Variants in KCNK2 observed in about 807,000 individuals in gnomAD.
The protein encoded by KCNK2 is potassium two pore domain channel subfamily K member 2, also known as potassium channel subfamily K member 2.
KCNK2 carries 21 observed loss-of-function variants against 40.5 expected under a neutral mutation model. The ratio of observed to expected loss-of-function variants is 0.52; its 90% CI spans 0.37 to 0.75. The LOEUF is 0.75. KCNK2 is among the 30% of genes least tolerant of loss of function. The probability of loss-of-function intolerance (pLI) is 0.00; values close to 1 mark genes in which losing one functional copy is unlikely to be tolerated. For missense variants in KCNK2, 399 were observed against 531.6 expected, an observed-to-expected ratio of 0.75 and a Z score of 2.45; for synonymous variants, 191 against 202.2, an observed-to-expected ratio of 0.94 and a Z score of 0.47.
rs548262217 is a variant in KCNK2, at chr1:215,083,199, C to G, written c.-187C>G. ...GATTTCGTTTCTTCTCACGCTCCCC[C>G]CCCCGCCCCCTCCCGCGTCCAGCCC... On this transcript the variant is annotated 5_prime_UTR_variant, in exon 1 of 7. Coordinates refer to ENST00000444842, the MANE Select transcript of KCNK2 (RefSeq NM_001017425.3). The G allele has an allele frequency of 1.3e-5, 9 of 685,072 alleles. 1 individual carries two copies. Among genetic ancestry groups the G allele is most frequent in the East Asian group, 8.3e-5 (2 of 24,180 alleles). 42.4% of individuals were successfully genotyped at this position (685,072 alleles called of 1,614,324 possible).
chr1:215,083,203 C>A lies in KCNK2; in HGVS notation c.-183C>A. ...TCGTTTCTTCTCACGCTCCCCCCCC[C>A]GCCCCCTCCCGCGTCCAGCCCCGCT... On this transcript the variant is annotated 5_prime_UTR_variant, in exon 1 of 7. Coordinates refer to ENST00000444842, the MANE Select transcript of KCNK2 (RefSeq NM_001017425.3). 20 of 804,882 alleles carry A rather than the reference C, an allele frequency of 2.5e-5. No homozygotes were observed. The highest frequency in any genetic ancestry group is 3.1e-5 in the Non-Finnish European group (16 of 524,276). 49.9% of individuals were successfully genotyped at this position (804,882 alleles called of 1,614,324 possible).
At chr1:215,057,852 G>C (rs1014859219) in intron 1 of KCNK2, among the ~76,000 whole-genome samples, 20 of 152,148 alleles carry the variant, frequency 1.3e-4, no homozygotes, top group South Asian at 2.1e-4. Context: ...AAGCCCAAAG[G>C]GGGTTAATCA....
chr1:215,136,924 C>T (rs1257880992), intron 3 of KCNK2, among the ~76,000 whole-genome samples: 2 of 152,088 alleles, frequency 1.3e-5, no homozygotes, highest in Non-Finnish European at 2.9e-5. Flanking sequence ...TGATAAAAAA[C>T]TGTATTTTAT....
chr1:215,190,500 G>A (rs1664623154), intron 5 of KCNK2, among the ~76,000 whole-genome samples: 1 of 152,180 alleles, frequency 6.6e-6, no homozygotes, highest in Non-Finnish European at 1.5e-5. Context: ...TCAGACACCT[G>A]TGTTAAACTC....
chr1:215,028,898 T>C (rs1657087587), intron 1 of KCNK2, among the ~76,000 whole-genome samples: 1 of 152,184 alleles, frequency 6.6e-6, no homozygotes, highest in African/African-American at 2.4e-5. Context: ...AATTTAATAA[T>C]TCATTTAAAT....
intron 6 of KCNK2, among the ~76,000 whole-genome samples, chr1:215,222,089 C>T (rs1363236059): frequency 6.6e-6 from 1 of 151,968 alleles, no homozygotes; most frequent in Non-Finnish European, 1.5e-5. Flanking sequence ...GACCAGATCT[C>T]GTAAGAACCC....
chr1:215,192,587 T>G (rs958549665), intron 5 of KCNK2, among the ~76,000 whole-genome samples: 2 of 152,140 alleles, frequency 1.3e-5, no homozygotes, highest in Admixed American at 1.3e-4. Flanking sequence ...GGAAAGTACT[T>G]GGGAAAAAAT....
upstream of KCNK2, chr1:215,082,121 G>C (rs189770116): frequency 5.6e-4 from 85 of 152,408 alleles, no homozygotes; most frequent in African/African-American, 2.0e-3. Flanking sequence ...TGCATCTCTA[G>C]ATGTCTTCGC....
chr1:215,151,467 G>A (rs1180569466), intron 3 of KCNK2, among the ~76,000 whole-genome samples: 1 of 152,046 alleles, frequency 6.6e-6, no homozygotes, highest in African/African-American at 2.4e-5. Context: ...AATTGCTAAT[G>A]TGAATCTTGA....
intron 1 of KCNK2, among the ~76,000 whole-genome samples, chr1:215,007,109 G>A (rs904925900): frequency 3.2e-5 from 4 of 126,960 alleles, no homozygotes; most frequent in East Asian, 4.2e-4. Flanking sequence ...GTATATATAT[G>A]TGTGTATATA....
chr1:215,126,993 T>G (rs1661466798), intron 3 of KCNK2, among the ~76,000 whole-genome samples: 1 of 152,212 alleles, frequency 6.6e-6, no homozygotes, highest in African/African-American at 2.4e-5. Flanking sequence ...CATTTGACAT[T>G]AAAGTCATTA....
intron 3 of KCNK2, among the ~76,000 whole-genome samples, chr1:215,132,101 A>C (rs1661704698): frequency 6.6e-6 from 1 of 152,248 alleles, no homozygotes; most frequent in Non-Finnish European, 1.5e-5. Context: ...ACTTTTGGAA[A>C]TACAGAAAGT....
intron 1 of KCNK2, 105 bp downstream of exon 1, chr1:215,083,536 C>T (rs1326797066): frequency 1.1e-5 from 9 of 849,632 alleles, no homozygotes; most frequent in Non-Finnish European, 1.8e-5. Context: ...GCGGCCGTTT[C>T]CCATCTTCGC....
intron 1 of KCNK2, among the ~76,000 whole-genome samples, chr1:215,040,142 A>G (rs919727055): frequency 2.0e-5 from 3 of 152,124 alleles, no homozygotes; most frequent in African/African-American, 7.2e-5. Context: ...GAGTCAGGAA[A>G]TCTGGGTTGG....
At chr1:215,046,424 A>C (rs1012258436) in intron 1 of KCNK2, among the ~76,000 whole-genome samples, 70 of 149,212 alleles carry the variant, frequency 4.7e-4, no homozygotes, top group Middle Eastern at 3.4e-3. Context: ...GACTAAGGTC[A>C]AGTTTGATCT....
chr1:215,164,449 T>C (rs1265752714), intron 3 of KCNK2, among the ~76,000 whole-genome samples: 1 of 152,174 alleles, frequency 6.6e-6, no homozygotes. Flanking sequence ...ATTTCTTGTC[T>C]TCTGCTAGCT....
intron 5 of KCNK2, among the ~76,000 whole-genome samples, chr1:215,187,722 T>G (rs867388561): frequency 6.6e-6 from 1 of 151,860 alleles, no homozygotes; most frequent in South Asian, 2.1e-4. Flanking sequence ...ACAGCTTGTT[T>G]AGAAGCTGCC....
intron 6 of KCNK2, among the ~76,000 whole-genome samples, chr1:215,226,470 C>T (rs1409416914): frequency 1.3e-5 from 2 of 152,028 alleles, no homozygotes; most frequent in African/African-American, 2.4e-5. Flanking sequence ...GGACTACAGG[C>T]GCGTGCCATC....
intron 1 of KCNK2, among the ~76,000 whole-genome samples, chr1:215,026,334 C>T (rs1430848790): frequency 6.6e-6 from 1 of 152,020 alleles, no homozygotes; most frequent in Admixed American, 6.5e-5. Context: ...TCTTCTGCTA[C>T]ACAAGTTTTT....
Sources: allele counts gnomAD v4.1 joint callset (sites outside exome capture counted in the v4.1 genomes callset), GRCh38; gene constraint gnomAD v4.1.1; transcripts MANE v1.5; gene names NCBI Gene and HGNC (gene_info 2026-07-23, HGNC 2026-07-21).